CERS6: variants seen among roughly 807,000 people sequenced by gnomAD.
CERS6 encodes LAG1 homolog, ceramide synthase 6.
CERS6 carries 26 observed loss-of-function variants against 56.8 expected under a neutral mutation model. The ratio of observed to expected loss-of-function variants is 0.46; its 90% CI spans 0.34 to 0.63. The LOEUF (loss-of-function observed/expected upper bound fraction) is 0.63, where lower values mean the gene tolerates loss of function less well. Ranked by LOEUF, CERS6 falls within the 30% of genes least tolerant of loss-of-function variation. CERS6 has a pLI of 0.01. For missense variants in CERS6, 415 were observed against 467.5 expected (o/e 0.89, Z 1.04); for synonymous variants, 164 against 173.3 (o/e 0.95, Z 0.42).
At chr2:168,591,045 C>G (rs1683658188) in intron 3 of CERS6, among the ~76,000 whole-genome samples, 2 of 152,016 alleles carry the variant, frequency 1.3e-5, no homozygotes, top group Admixed American at 1.3e-4. Context: ...ATTGGATGGT[C>G]CCAAGGTTTA....
chr2:168,616,412 C>G lies in CERS6; in HGVS notation c.408-14573C>G, dbSNP rs140356687. On this transcript the variant is annotated intron_variant, in intron 3 of 9. Coordinates refer to ENST00000305747, the MANE Select transcript of CERS6 (RefSeq NM_203463.3). Reference sequence around the variant, plus strand: ...AATACTAACATTGAATGTAAATGGCCTAAGTGCTCCACTTAAAAGATACGG... The same window carrying G: ...AATACTAACATTGAATGTAAATGGCGTAAGTGCTCCACTTAAAAGATACGG... 3.3e-3 allele frequency among the ~76,000 whole-genome samples: 502 copies of G among 152,256 alleles called. 4 individuals carry two copies. Among genetic ancestry groups the G allele is most frequent in the African/African-American group, 0.012 (481 of 41,532 alleles).
In CERS6 at chr2:168,572,162, T is replaced by C. The variant is rs924055974; in HGVS notation, c.407+10840T>C. Among the ~76,000 whole-genome samples, 20 of 152,340 alleles carry C rather than the reference T, an allele frequency of 1.3e-4. 1 individual carries two copies. The East Asian group carries it at 3.9e-3, about 29-fold the overall frequency. On this transcript the variant is annotated intron_variant, in intron 3 of 9. Transcript: ENST00000305747. ...ATTCTGCAAAGTTCTCTAACTCCTG[T>C]ATGCCTTTAGCCACAGTTGTAATGA...
At chr2:168,713,520 C>CA (rs1256699635) in intron 6 of CERS6, among the ~76,000 whole-genome samples, 1 of 152,104 alleles carries the variant, frequency 6.6e-6, no homozygotes, top group East Asian at 1.9e-4. Context: ...ACAGAAATTC[C>CA]ATATCACAAC....
intron 8 of CERS6, among the ~76,000 whole-genome samples, chr2:168,728,039 G>T (rs1159283817): frequency 6.6e-6 from 1 of 152,222 alleles, no homozygotes; most frequent in East Asian, 1.9e-4. Flanking sequence ...CTAGACCAGA[G>T]GTCCACAAAG....
intron 1 of CERS6, among the ~76,000 whole-genome samples, chr2:168,474,116 CTTAT>C (rs753733211): frequency 3.3e-5 from 5 of 152,112 alleles, no homozygotes; most frequent in Non-Finnish European, 5.9e-5. Flanking sequence ...TGCTCTGAAA[CTTAT>C]TTGTCTTTTT....
chr2:168,660,342 A>G (rs548255109), intron 4 of CERS6, among the ~76,000 whole-genome samples: 8 of 152,204 alleles, frequency 5.3e-5, no homozygotes, highest in Non-Finnish European at 8.8e-5. Context: ...TTACCATGCC[A>G]TGCCTAGCTA....
chr2:168,756,343 A>G (rs1448664361), intron 8 of CERS6, among the ~76,000 whole-genome samples: 1 of 152,238 alleles, frequency 6.6e-6, no homozygotes, highest in African/African-American at 2.4e-5. Flanking sequence ...AAAAGCAAAG[A>G]AAAGGGCACA....
intron 1 of CERS6, among the ~76,000 whole-genome samples, chr2:168,476,030 A>C (rs952368479): frequency 6.6e-6 from 1 of 152,228 alleles, no homozygotes; most frequent in Non-Finnish European, 1.5e-5. Context: ...ATCACAATAG[A>C]TGAAGGGTTC....
At chr2:168,657,607 C>T (rs35979927) in intron 4 of CERS6, among the ~76,000 whole-genome samples, 18 of 152,084 alleles carry the variant, frequency 1.2e-4, no homozygotes, top group Non-Finnish European at 1.6e-4. Flanking sequence ...CAAGGCCCGG[C>T]GAGAAATCAA....
intron 4 of CERS6, among the ~76,000 whole-genome samples, chr2:168,636,418 A>G (rs1318102997): frequency 6.6e-6 from 1 of 152,212 alleles, no homozygotes; most frequent in Admixed American, 6.5e-5. Flanking sequence ...ATAAGTTGGA[A>G]GTCAAGATTG....
At chr2:168,490,095 G>A (rs1343381553) in intron 1 of CERS6, among the ~76,000 whole-genome samples, 1 of 152,136 alleles carries the variant, frequency 6.6e-6, no homozygotes, top group Non-Finnish European at 1.5e-5. Context: ...GCAACTCTGG[G>A]TCTGTCCCGT....
At chr2:168,657,731 G>A (rs1487682073) in intron 4 of CERS6, among the ~76,000 whole-genome samples, 6 of 152,212 alleles carry the variant, frequency 3.9e-5, no homozygotes, top group South Asian at 2.1e-4. Flanking sequence ...TGGCTGCTCC[G>A]AGTGCGGGGC....
At chr2:168,569,152 G>C (rs918641503) in intron 3 of CERS6, among the ~76,000 whole-genome samples, 4 of 152,122 alleles carry the variant, frequency 2.6e-5, no homozygotes, top group African/African-American at 9.7e-5. Context: ...CATAAGTTTG[G>C]TTTCTCCAGG....
Position 168,456,570 on chromosome 2 carries a change from C to T in CERS6, c.122C>T (p.Ala41Val). Residue 41 changes from alanine to valine, a missense_variant, in exon 1 of 10, where the codon GCT becomes GTT. Physicochemically the swap from Ala to Val is moderately conservative, Grantham distance 64. Coordinates refer to ENST00000305747, the MANE Select transcript of CERS6 (RefSeq NM_203463.3). The surrounding 1 kb of genome is among the most constrained non-coding windows in gnomAD (Gnocchi z 4.1). The part of the protein sequence containing the change: ...TFPQAEDLYL[A>V]FPLAFCIFMV... ...CCGCAGGCTGAGGACCTCTATCTCG[C>T]TTTTCCCCTGGCCTTCTGTATCTTC... 6.2e-7 allele frequency: 1 copy of T among 1,614,074 alleles called. No individual in the cohort carries two copies. Among genetic ancestry groups the T allele is most frequent in the African/African-American group, 1.3e-5 (1 of 75,060 alleles).
chr2:168,768,177 G>T (rs1684769436), intron 9 of CERS6, among the ~76,000 whole-genome samples: 1 of 151,892 alleles, frequency 6.6e-6, no homozygotes, highest in African/African-American at 2.4e-5. Context: ...TAGTGAGATT[G>T]AATGGAGGAT....
Position 168,743,236 on chromosome 2 carries a change from G to GTGTGTGTGTATATATATA in CERS6, c.846-22354_846-22337dup, listed in dbSNP as rs1414870050. On this transcript the variant is annotated intron_variant, in intron 8 of 9. Coordinates refer to ENST00000305747, the MANE Select transcript of CERS6 (RefSeq NM_203463.3). ...TGTATGTGTGTGTGTATATATATAT[G>GTGTGTGTGTATATATATA]TGTGTGTGTATATATATATACACGT... Among the ~76,000 whole-genome samples, 301 of 146,386 alleles carry GTGTGTGTGTATATATATA rather than the reference G, an allele frequency of 2.1e-3. 1 individual carries two copies. Among genetic ancestry groups the GTGTGTGTGTATATATATA allele is most frequent in the African/African-American group, 7.7e-3 (287 of 37,360 alleles).
At chr2:168,464,886 G>T (rs1333162741) in intron 1 of CERS6, among the ~76,000 whole-genome samples, 3 of 152,196 alleles carry the variant, frequency 2.0e-5, no homozygotes, top group African/African-American at 7.2e-5. Flanking sequence ...GAAACAAACA[G>T]AATAACACGT....
At chr2:168,674,355 C>T (rs1047993812) in intron 4 of CERS6, among the ~76,000 whole-genome samples, 3 of 152,294 alleles carry the variant, frequency 2.0e-5, no homozygotes, top group Admixed American at 2.0e-4. Context: ...TCCTCTTCCA[C>T]AGCTAAGGAT....
Position 168,600,211 on chromosome 2 carries a change from T to TCTCTCTC in CERS6, c.408-30774_408-30773insCTCTCTC, listed in dbSNP as rs1553497951. On this transcript the variant is annotated intron_variant, in intron 3 of 9. Coordinates refer to ENST00000305747, the MANE Select transcript of CERS6 (RefSeq NM_203463.3). Reference sequence around the variant, plus strand: ...ATATTTCTCTCTCTCTCTCTCTCTCTTTTTTTTTTTTTAATCGGAGTCTGG... The same window carrying TCTCTCTC: ...ATATTTCTCTCTCTCTCTCTCTCTCTCTCTCTCTTTTTTTTTTTTAATCGGAGTCTGG... 2.4e-3 allele frequency among the ~76,000 whole-genome samples: 213 copies of TCTCTCTC among 86,986 alleles called. 1 individual carries two copies. The highest frequency in any genetic ancestry group is 9.8e-3 in the East Asian group (27 of 2,756). The allele number at this position is 86,986 out of a possible 152,430, so 57.1% of individuals were successfully genotyped here.
Sources: allele counts gnomAD v4.1 joint callset (sites outside exome capture counted in the v4.1 genomes callset), GRCh38; gene constraint gnomAD v4.1.1; non-coding constraint Gnocchi (gnomAD v3.1); transcripts MANE v1.5; gene names NCBI Gene and HGNC (gene_info 2026-07-23, HGNC 2026-07-21).